INVS: variants seen among roughly 807,000 people sequenced by gnomAD.
The protein encoded by INVS is inversin, also known as inversion of embryo turning homolog.
Under a neutral mutation model 108.8 loss-of-function variants are expected in INVS, and 86 were observed. The ratio of observed to expected loss-of-function variants is 0.79; its 90% confidence interval spans 0.66 to 0.95. The LOEUF (loss-of-function observed/expected upper bound fraction) is 0.95. INVS is among the 40% of genes least tolerant of loss of function. The pLI is 0.00. For synonymous variants in INVS, 455 were observed against 473.5 expected (o/e 0.96, Z 0.51); for missense variants, 1,169 against 1,297.4 (o/e 0.90, Z 1.52).
chr9:100,139,380 A>G (rs1828345184), intron 3 of INVS, among the ~76,000 whole-genome samples: 1 of 152,102 alleles, frequency 6.6e-6, no homozygotes, highest in Admixed American at 6.5e-5. Context: ...AAGTCTTTCT[A>G]TATATTCTAC....
chr9:100,285,599 T>G (rs1255938404), intron 13 of INVS, among the ~76,000 whole-genome samples: 3 of 152,158 alleles, frequency 2.0e-5, no homozygotes, highest in Admixed American at 1.3e-4. Flanking sequence ...AGAGAAAAGG[T>G]GTATGGAGCA....
intron 3 of INVS, among the ~76,000 whole-genome samples, chr9:100,204,042 A>C (rs1830607611): frequency 6.6e-6 from 1 of 152,160 alleles, no homozygotes; most frequent in African/African-American, 2.4e-5. Context: ...GTGATCTGTA[A>C]AACACTTTGG....
At chr9:100,235,588 T>A (rs1325634669) in intron 5 of INVS, among the ~76,000 whole-genome samples, 1 of 152,214 alleles carries the variant, frequency 6.6e-6, no homozygotes, top group Non-Finnish European at 1.5e-5. Flanking sequence ...CAGCATTTGC[T>A]TATCTGTAAA....
At chr9:100,115,038 C>T (rs1827466030) in intron 2 of INVS, among the ~76,000 whole-genome samples, 1 of 152,168 alleles carries the variant, frequency 6.6e-6, no homozygotes, top group South Asian at 2.1e-4. Context: ...TGCATTTCTA[C>T]CAACAATGGC....
At chr9:100,127,673 A>T (rs916104342) in intron 3 of INVS, among the ~76,000 whole-genome samples, 1 of 152,150 alleles carries the variant, frequency 6.6e-6, no homozygotes, top group Non-Finnish European at 1.5e-5. Context: ...TTGAATGCAT[A>T]AAAAAAGGCT....
At position 100,119,731 on chromosome 9, in the gene INVS, T is replaced by G. The variant is rs566955047; in HGVS notation, c.107-6652T>G. ...CGCCACCACACCTGGCTGATTTTTT[T>G]GTATTTTTTAGTAGCGATGGGGTTT... On this transcript the variant is annotated intron_variant, in intron 2 of 16. Transcript: ENST00000262457. Among the ~76,000 whole-genome samples, 3 of 152,300 alleles carry G rather than the reference T, an allele frequency of 2.0e-5. No homozygotes were observed. The East Asian group carries it at 5.8e-4, about 29-fold the overall frequency.
At chr9:100,110,132 G>A (rs185552623) in intron 2 of INVS, among the ~76,000 whole-genome samples, 1 of 152,324 alleles carries the variant, frequency 6.6e-6, no homozygotes, top group Admixed American at 6.5e-5. Flanking sequence ...ACATGCAAAT[G>A]TGTTTATAAA....
At chr9:100,280,012 G>A (rs574410537) in intron 12 of INVS, among the ~76,000 whole-genome samples, 60 of 152,226 alleles carry the variant, frequency 3.9e-4, no homozygotes, top group Admixed American at 6.5e-4. Context: ...TGAAACCATC[G>A]TACGTTCAAG....
intron 3 of INVS, among the ~76,000 whole-genome samples, chr9:100,194,051 G>A (rs1362860538): frequency 2.6e-5 from 4 of 152,202 alleles, no homozygotes; most frequent in African/African-American, 4.8e-5. Context: ...TCATCTGTAA[G>A]CATATGCTTT....
chr9:100,235,450 T>A (rs1023944954), intron 5 of INVS, among the ~76,000 whole-genome samples: 7 of 152,254 alleles, frequency 4.6e-5, no homozygotes, highest in African/African-American at 1.7e-4. Context: ...TGATAGTTTC[T>A]TCATAGTATG....
intron 3 of INVS, among the ~76,000 whole-genome samples, chr9:100,147,834 A>G (rs941016752): frequency 5.3e-5 from 8 of 152,068 alleles, no homozygotes; most frequent in African/African-American, 1.9e-4. Flanking sequence ...TGAATAAGAG[A>G]TGGGTTAAAA....
rs36096327 is a variant in INVS, at chr9:100,138,700, C to CTTTT, written c.273+12166_273+12169dup. ...TTAAATTATTTTTATTGATGGTTTCCTTTTTTTTTTTTTTTTTTCCTTTCA... is the reference window on the plus strand; with the variant it reads ...TTAAATTATTTTTATTGATGGTTTCCTTTTTTTTTTTTTTTTTTTTTTCCTTTCA... On this transcript the variant is annotated intron_variant, in intron 3 of 16. Coordinates refer to ENST00000262457, the MANE Select transcript of INVS (RefSeq NM_014425.5). 5.6e-5 allele frequency among the ~76,000 whole-genome samples: 7 copies of CTTTT among 124,936 alleles called. No individual in the cohort carries two copies. In the South Asian group the frequency reaches 7.8e-4, roughly 14 times the overall value. The allele number at this position is 124,936 out of a possible 152,430, so 82.0% of individuals were successfully genotyped here.
At chr9:100,157,419 C>A (rs2119000351) in intron 3 of INVS, among the ~76,000 whole-genome samples, 2 of 151,956 alleles carry the variant, frequency 1.3e-5, no homozygotes, top group Non-Finnish European at 2.9e-5. Flanking sequence ...CGCCTGCCAC[C>A]ACGCCTGGCT....
chr9:100,281,206 G>A (rs546695795), intron 12 of INVS, among the ~76,000 whole-genome samples: 4 of 152,294 alleles, frequency 2.6e-5, no homozygotes, highest in Admixed American at 1.3e-4. Context: ...AAGCAGCTGC[G>A]TTCTATCTTG....
intron 10 of INVS, among the ~76,000 whole-genome samples, chr9:100,254,268 A>AT (rs1832342201): frequency 6.6e-6 from 1 of 151,298 alleles, no homozygotes; most frequent in African/African-American, 2.4e-5. Context: ...GGGTTGTTTG[A>AT]TTTTTTTCTT....
chr9:100,147,158 G>A (rs1425100760), intron 3 of INVS, among the ~76,000 whole-genome samples: 1 of 151,984 alleles, frequency 6.6e-6, no homozygotes, highest in African/African-American at 2.4e-5. Flanking sequence ...TATAACATTG[G>A]GCAAAACACA....
chr9:100,214,631 G>T (rs1164799553), intron 3 of INVS, among the ~76,000 whole-genome samples: 7 of 152,196 alleles, frequency 4.6e-5, no homozygotes, highest in Non-Finnish European at 5.9e-5. Flanking sequence ...CAGTCCCTTT[G>T]CTTCCATGTA....
chr9:100,125,684 T>A (rs1201311525), intron 2 of INVS, among the ~76,000 whole-genome samples: 1 of 145,112 alleles, frequency 6.9e-6, no homozygotes, highest in Non-Finnish European at 1.5e-5. Flanking sequence ...AACTGTGATT[T>A]TTTTTTTTTT....
intron 3 of INVS, among the ~76,000 whole-genome samples, chr9:100,182,138 G>T (rs145367866): frequency 6.6e-6 from 1 of 152,086 alleles, no homozygotes; most frequent in Non-Finnish European, 1.5e-5. Flanking sequence ...AGACTTAAAC[G>T]TAAGACCTAA....
Sources: allele counts gnomAD v4.1 joint callset (sites outside exome capture counted in the v4.1 genomes callset), GRCh38; gene constraint gnomAD v4.1.1; transcripts MANE v1.5; gene names NCBI Gene and HGNC (gene_info 2026-07-23, HGNC 2026-07-21).